Variants in ERICH1 observed in about 807,000 individuals in gnomAD.
The protein encoded by ERICH1 is glutamate rich 1.
In ERICH1, 56 loss-of-function variants were observed where a neutral mutation model predicts 39.6. The observed-to-expected ratio is 1.41, with a 90% CI of 1.14 to 1.77. ERICH1 has a LOEUF of 1.77. Ranked by LOEUF, ERICH1 falls within the 40% of genes most tolerant of loss-of-function variation. The pLI is 0.00. For missense variants in ERICH1, 826 were observed against 575.4 expected, an observed-to-expected ratio of 1.44 and a Z score of -4.45; for synonymous variants, 313 against 223.6, an observed-to-expected ratio of 1.40 and a Z score of -3.57.
intron 3 of ERICH1, among the ~76,000 whole-genome samples, chr8:630,038 A>G (rs1364059580): frequency 8.1e-6 from 1 of 122,930 alleles, no homozygotes; most frequent in Non-Finnish European, 1.7e-5. Context: ...CCCTCCCGTG[A>G]CCACCCACAC....
intron 3 of ERICH1, among the ~76,000 whole-genome samples, chr8:688,296 T>C (rs192798099): frequency 0.04 from 622 of 15,608 alleles, 12 homozygotes; most frequent in Middle Eastern, 0.29. Flanking sequence ...GCCCCGGCCC[T>C]TCCGCCGCCC....
intron 2 of ERICH1, among the ~76,000 whole-genome samples, chr8:693,044 GTACAC>G (rs1809281186): frequency 2.0e-5 from 3 of 152,024 alleles, no homozygotes; most frequent in South Asian, 4.2e-4. Context: ...AACAACATGT[GTACAC>G]TGTGGCTGTG....
intron 3 of ERICH1, among the ~76,000 whole-genome samples, chr8:686,232 T>C (rs951299777): frequency 6.6e-6 from 1 of 152,146 alleles, no homozygotes; most frequent in African/African-American, 2.4e-5. Context: ...AATATTAATA[T>C]CTAGTAAAAT....
intron 3 of ERICH1, chr8:616,363 G>T (rs1231732642): frequency 5.7e-6 from 2 of 352,942 alleles, no homozygotes; most frequent in Admixed American, 3.5e-5. Flanking sequence ...CTGTCGGCCA[G>T]GTGTGGGCGG....
intron 3 of ERICH1, among the ~76,000 whole-genome samples, chr8:627,708 C>T (rs573720189): frequency 2.0e-5 from 3 of 152,342 alleles, no homozygotes; most frequent in East Asian, 1.9e-4. Flanking sequence ...CACCCCAGGG[C>T]TCCTCTTGGC....
chr8:705,379 C>T (rs1436244300), intron 2 of ERICH1, among the ~76,000 whole-genome samples: 2 of 152,214 alleles, frequency 1.3e-5, no homozygotes, highest in Non-Finnish European at 2.9e-5. Context: ...GTGATTTCAT[C>T]ATTTTACCCC....
intron 1 of ERICH1, among the ~76,000 whole-genome samples, chr8:727,887 C>T (rs573649769): frequency 6.6e-6 from 1 of 152,200 alleles, no homozygotes; most frequent in South Asian, 2.1e-4. Context: ...GCAGGGGGCA[C>T]TGTGGGGCAG....
chr8:677,722 C>T (rs1381079170), intron 3 of ERICH1, among the ~76,000 whole-genome samples: 1 of 152,180 alleles, frequency 6.6e-6, no homozygotes, highest in Non-Finnish European at 1.5e-5. Flanking sequence ...TCTTAGGTGT[C>T]TATTAAAAAA....
chr8:675,141 G>C (rs1396810088), intron 3 of ERICH1, among the ~76,000 whole-genome samples: 4 of 133,484 alleles, frequency 3.0e-5, no homozygotes, highest in African/African-American at 1.1e-4. Flanking sequence ...CGAGGACAGA[G>C]ACGCGGCGGC....
intron 3 of ERICH1, among the ~76,000 whole-genome samples, chr8:636,069 G>A (rs1325586010): frequency 6.6e-6 from 1 of 152,252 alleles, no homozygotes; most frequent in Non-Finnish European, 1.5e-5. Context: ...CTCTCAGAGA[G>A]GCAAAAGCTG....
chr8:641,598 A>C (rs1002506231), intron 3 of ERICH1, among the ~76,000 whole-genome samples: 2 of 152,210 alleles, frequency 1.3e-5, no homozygotes, highest in African/African-American at 4.8e-5. Flanking sequence ...ATTATAGCTT[A>C]ATATTTCTTG....
At chr8:714,773 C>T (rs1178826750) in intron 2 of ERICH1, among the ~76,000 whole-genome samples, 2 of 145,884 alleles carry the variant, frequency 1.4e-5, no homozygotes, top group Non-Finnish European at 3.0e-5. Context: ...TGCACCCAGG[C>T]GGCCTCTTCC....
intron 1 of ERICH1, among the ~76,000 whole-genome samples, chr8:727,979 CAG>C (rs778433042): frequency 4.6e-5 from 7 of 152,202 alleles, no homozygotes; most frequent in Admixed American, 6.5e-5. Flanking sequence ...TGCAGGGAGA[CAG>C]GGAGCGGCCG....
chr8:728,418 A>C (rs1333881490), intron 1 of ERICH1, among the ~76,000 whole-genome samples: 1 of 152,130 alleles, frequency 6.6e-6, no homozygotes, highest in Non-Finnish European at 1.5e-5. Flanking sequence ...TCACCCGGGC[A>C]GCTCCTAAGG....
At position 647,134 on chromosome 8, in the gene ERICH1, T is replaced by C. The variant is rs1329489508; in HGVS notation, c.976+21464A>G. Among the ~76,000 whole-genome samples the C allele has an allele frequency of 6.0e-5, 4 of 66,962 alleles. 2 individuals are homozygous for C. Among genetic ancestry groups the C allele is most frequent in the African/African-American group, 1.6e-4 (4 of 25,118 alleles). 43.9% of individuals were successfully genotyped at this position (66,962 alleles called of 152,430 possible). ...TCATGCTCAGGCCCTTGGCGCGCCC[T>C]TGGCAGCGGTTACACGCCCTGCTTT... is the stretch of plus-strand genomic sequence containing the variant. On this transcript the variant is annotated intron_variant, in intron 3 of 3. Coordinates refer to the ERICH1 transcript ENST00000522706.
intron 3 of ERICH1, among the ~76,000 whole-genome samples, chr8:620,993 T>C (rs919564875): frequency 6.6e-6 from 1 of 152,186 alleles, no homozygotes; most frequent in Non-Finnish European, 1.5e-5. Context: ...TAAAACGTTC[T>C]CCACGACTGA....
chr8:633,650 G>C (rs34116671), intron 3 of ERICH1, among the ~76,000 whole-genome samples: 30,303 of 152,144 alleles, frequency 0.2, 3,381 homozygotes, highest in Middle Eastern at 0.33. Flanking sequence ...CAAGCCACAG[G>C]AATGAAAGCA....
At chr8:633,127 T>C (rs748512379) in intron 3 of ERICH1, among the ~76,000 whole-genome samples, 4 of 151,844 alleles carry the variant, frequency 2.6e-5, no homozygotes, top group Non-Finnish European at 5.9e-5. Context: ...GCCACCGTGG[T>C]GCTGCCCAGG....
chr8:631,085 C>G (rs969066762), intron 3 of ERICH1, among the ~76,000 whole-genome samples: 6 of 152,126 alleles, frequency 3.9e-5, no homozygotes, highest in African/African-American at 1.4e-4. Context: ...CTCCCATGAG[C>G]AACCATGTGG....
Sources: allele counts gnomAD v4.1 joint callset (sites outside exome capture counted in the v4.1 genomes callset), GRCh38; gene constraint gnomAD v4.1.1; transcripts MANE v1.5; gene names NCBI Gene and HGNC (gene_info 2026-07-23, HGNC 2026-07-21).